Variants in MMP2 observed in about 807,000 individuals in gnomAD.
MMP2 encodes the protein 72 kDa type IV collagenase.
Under a neutral mutation model 74.8 loss-of-function variants are expected in MMP2, and 39 were observed. That is an observed-to-expected ratio of 0.52 (90% confidence interval 0.40 to 0.68). The LOEUF is 0.68. MMP2 is among the 30% of genes least tolerant of loss of function. The pLI is 0.00. For synonymous variants in MMP2, 367 were observed against 339.8 expected (o/e 1.08, Z -0.88); for missense variants, 803 against 878.3 (o/e 0.91, Z 1.08).
chr16:55,482,538 T>C (rs959831386), intron 1 of MMP2, among the ~76,000 whole-genome samples: 9 of 152,262 alleles, frequency 5.9e-5, no homozygotes, highest in Non-Finnish European at 1.3e-4. Context: ...TGTGTGATCG[T>C]AAGCAAGTTT....
intron 8 of MMP2, among the ~76,000 whole-genome samples, chr16:55,492,793 C>T (rs1433014166): frequency 6.6e-6 from 1 of 152,234 alleles, no homozygotes; most frequent in South Asian, 2.1e-4. Context: ...CCAGCGGCCC[C>T]CTGACCGCCC....
chr16:55,505,491 C>G lies in MMP2; in HGVS notation c.*49C>G. 2 of 1,530,510 alleles carry G rather than the reference C, an allele frequency of 1.3e-6. No homozygotes were observed. Among genetic ancestry groups the G allele is most frequent in the Non-Finnish European group, 1.8e-6 (2 of 1,104,498 alleles). The allele number at this position is 1,530,510 out of a possible 1,614,324, so 94.8% of individuals were successfully genotyped here. On this transcript the variant is annotated 3_prime_UTR_variant, in exon 13 of 13. Coordinates refer to ENST00000219070, the MANE Select transcript of MMP2 (RefSeq NM_004530.6). ...CTTCCTCTCCACTGCCTTCGATACA[C>G]CGGGCCTGGAGAACTAGAGAAGGAC... is the stretch of plus-strand genomic sequence containing the variant.
At chr16:55,486,348 T>TGTGC (rs1555491719) in intron 5 of MMP2, among the ~76,000 whole-genome samples, 29 of 5,244 alleles carry the variant, frequency 5.5e-3, no homozygotes, top group African/African-American at 6.5e-3. Flanking sequence ...TGTGTGTGCC[T>TGTGC]GTGTGTGTGT....
intron 9 of MMP2, among the ~76,000 whole-genome samples, chr16:55,493,998 C>T (rs1010240797): frequency 6.6e-6 from 1 of 152,292 alleles, no homozygotes. Flanking sequence ...TATCTAGGAC[C>T]TCATTAAAGG....
At chr16:55,489,537 C>A in intron 6 of MMP2, 114 bp from the exon 7 acceptor site, 1 of 1,308,320 alleles carries the variant, frequency 7.6e-7, no homozygotes, top group Non-Finnish European at 1.1e-6. Flanking sequence ...GATACAGTGC[C>A]TGGGACTGAG....
chr16:55,490,859 G>A (rs552551907), intron 7 of MMP2, among the ~76,000 whole-genome samples: 1 of 152,262 alleles, frequency 6.6e-6, no homozygotes, highest in South Asian at 2.1e-4. Context: ...CTCACCCAGG[G>A]TGAATATTAT....
At chr16:55,495,947 A>G in intron 9 of MMP2, among the ~76,000 whole-genome samples, 1 of 152,222 alleles carries the variant, frequency 6.6e-6, no homozygotes, top group Admixed American at 6.5e-5. Flanking sequence ...ACACACACAC[A>G]GACCCCCAGA....
intron 3 of MMP2, among the ~76,000 whole-genome samples, chr16:55,485,047 G>C (rs1438581856): frequency 2.0e-5 from 3 of 152,142 alleles, no homozygotes; most frequent in Non-Finnish European, 4.4e-5. Flanking sequence ...TGGTAGAGTA[G>C]ACAATGGAGG....
At chr16:55,496,260 C>A (rs372977793) in intron 9 of MMP2, among the ~76,000 whole-genome samples, 2 of 152,100 alleles carry the variant, frequency 1.3e-5, no homozygotes, top group East Asian at 3.9e-4. Context: ...TGGCTTATAC[C>A]AATCAGTATC....
chr16:55,496,955 A>T lies in MMP2; in HGVS notation c.1502A>T (p.Asp501Val). The part of the protein sequence containing the change: ...RFIWRTVTPR[D>V]KPMGPLLVAT... ...ATTTGGCGGACTGTGACGCCACGTG[A>T]CAAGCCCATGGGGCCCCTGCTGGTG... The change falls in exon 10 of 13, where the codon GAC becomes GTC. Residue 501 changes from aspartate (D) to valine (V), a missense_variant. Asp to Val is a radical substitution (Grantham distance 152). Around this residue, in one of 3 missense-constraint regions of MMP2, gnomAD observed 555 missense variants for 592.0 expected, o/e 0.94. Transcript: ENST00000219070. 6.2e-7 allele frequency: 1 copy of T among 1,614,110 alleles called. No homozygotes were observed. The highest frequency in any genetic ancestry group is 8.5e-7 in the Non-Finnish European group (1 of 1,180,022).
At chr16:55,496,881 G>T in intron 9 of MMP2, 45 bp from the exon 10 acceptor site, 1 of 1,611,006 alleles carries the variant, frequency 6.2e-7, no homozygotes. Flanking sequence ...CGAGCTGCAG[G>T]GTGACTGAAG....
chr16:55,487,412 C>G (rs181084314), intron 5 of MMP2: 9 of 152,364 alleles, frequency 5.9e-5, no homozygotes, highest in African/African-American at 9.6e-5. Flanking sequence ...AACGCTTTGC[C>G]TTTCTCAACT....
Position 55,488,628 on chromosome 16 carries a change from C to G in MMP2, c.918C>G (p.Thr306=), listed in dbSNP as rs1263324712. The G allele has an allele frequency of 6.2e-7, 1 of 1,613,944 alleles. No homozygotes were observed. The highest frequency in any genetic ancestry group is 1.7e-5 in the Admixed American group (1 of 60,010). Residue 306 remains threonine (T), a synonymous_variant, in exon 6 of 13, where the codon ACC becomes ACG. Transcript: ENST00000219070. ...AGGGCACATCCTATGACAGCTGCACCACTGAGGGCCGCACGGATGGCTACC... is the reference window on the plus strand; with the variant it reads ...AGGGCACATCCTATGACAGCTGCACGACTGAGGGCCGCACGGATGGCTACC... ...RFQGTSYDSC[T]TEGRTDGYRW...
At chr16:55,504,157 C>CA (rs57244341) in intron 12 of MMP2, among the ~76,000 whole-genome samples, 3,540 of 149,760 alleles carry the variant, frequency 0.024, 54 homozygotes, top group South Asian at 0.062. Context: ...GACCTGGTCT[C>CA]AAAAAAAAAG....
chr16:55,492,263 C>A (rs1962428652), intron 8 of MMP2, among the ~76,000 whole-genome samples: 1 of 152,108 alleles, frequency 6.6e-6, no homozygotes, highest in Admixed American at 6.5e-5. Flanking sequence ...CAGGTTTGAG[C>A]AACCCAGTGG....
chr16:55,497,142 C>A, intron 10 of MMP2, 80 bp downstream of exon 10: 2 of 1,592,746 alleles, frequency 1.3e-6, no homozygotes, highest in Non-Finnish European at 1.7e-6. Flanking sequence ...AGGCTCACTC[C>A]CCCTCTCAAA....
rs919073249 is a variant in MMP2, at chr16:55,479,429, C to A, written c.-51C>A. On this transcript the variant is annotated 5_prime_UTR_variant, in exon 1 of 13. Transcript: ENST00000219070. The stretch of plus-strand genomic sequence containing the variant: ...CCAACCAGGCGGCGAGGCGGCCACA[C>A]GCACCGAGCCAGCGACCCCCGGGCG... 1.6e-5 allele frequency: 23 copies of A among 1,420,408 alleles called. No individual in the cohort carries two copies. The highest frequency in any genetic ancestry group is 2.1e-5 in the Non-Finnish European group (23 of 1,094,688). The allele number at this position is 1,420,408 out of a possible 1,614,324, so 88.0% of individuals were successfully genotyped here.
Position 55,498,381 on chromosome 16 carries a change from G to A in MMP2, c.1702G>A (p.Val568Met). 1 of 1,614,276 alleles carries A rather than the reference G, an allele frequency of 6.2e-7. No homozygotes were observed. The highest frequency in any genetic ancestry group is 1.3e-5 in the African/African-American group (1 of 75,074). Reference sequence around the variant, plus strand: ...GGGACTGCCCCCTGATGTCCAGCGAGTGGATGCCGCCTTTAACTGGAGCAA... The same window carrying A: ...GGGACTGCCCCCTGATGTCCAGCGAATGGATGCCGCCTTTAACTGGAGCAA... ...SLGLPPDVQRVDAAFNWSKNK... is the reference protein window; with the variant it reads ...SLGLPPDVQRMDAAFNWSKNK... The change falls in exon 11 of 13, where the codon GTG (valine) becomes ATG (methionine). Residue 568 changes from valine (V) to methionine (M), a missense_variant. Physicochemically the swap from Val to Met is conservative, Grantham distance 21 (BLOSUM62 1). Transcript: ENST00000219070.
chr16:55,489,064 C>T (rs1962334940), intron 6 of MMP2, among the ~76,000 whole-genome samples: 1 of 152,188 alleles, frequency 6.6e-6, no homozygotes, highest in East Asian at 1.9e-4. Flanking sequence ...TCTCTCTTCC[C>T]TGCCTTTCCT....
Sources: gnomAD v4.1 joint callset for allele counts (sites outside exome capture counted in the v4.1 genomes callset) on GRCh38, gnomAD v4.1.1 for gene constraint, gnomAD v4.1.1 regional missense constraint, MANE v1.5 for transcripts, NCBI Gene and HGNC (gene_info 2026-07-23, HGNC 2026-07-21) for gene names.